The following TENM3 variants were observed in gnomAD, a reference collection of about 807,000 sequenced individuals.
TENM3 encodes the protein teneurin-3.
Under a neutral mutation model 255.1 loss-of-function variants are expected in TENM3, and 63 were observed. The observed-to-expected ratio is 0.25, with a 90% CI of 0.20 to 0.30. The LOEUF is 0.30. Among genes scored for constraint, TENM3 ranks in the 10% least tolerant of loss-of-function variants. The probability of loss-of-function intolerance (pLI) is 1.00; values close to 1 mark genes in which losing one functional copy is unlikely to be tolerated. For synonymous variants in TENM3, 1,306 were observed against 1,322.3 expected (o/e 0.99, Z 0.27); for missense variants, 2,929 against 3,461.1 (o/e 0.85, Z 3.86).
the TENM3 span, among the ~76,000 whole-genome samples, chr4:182,104,955 T>G: frequency 0.21 from 32,580 of 152,126 alleles, 3,587 homozygotes; most frequent in African/African-American, 0.25. Flanking sequence ...CTTCTGCCTG[T>G]AATCCCAGCA....
In TENM3 at chr4:182,677,360, G is replaced by A. The variant is rs1444859007; in HGVS notation, c.1327-2306G>A. Among the ~76,000 whole-genome samples, 3 of 152,102 alleles carry A rather than the reference G, an allele frequency of 2.0e-5. No homozygotes were observed. In the East Asian group the frequency reaches 5.8e-4, roughly 29 times the overall value. On this transcript the variant is annotated intron_variant, in intron 7 of 27. Transcript: ENST00000511685. ...TGATAAAGGTGATGGTTGTGCTTTT[G>A]CCTTGAAAGACCAGCTAAAACTCAA...
the TENM3 span, among the ~76,000 whole-genome samples, chr4:182,109,721 C>T: frequency 2.0e-5 from 3 of 152,234 alleles, no homozygotes; most frequent in East Asian, 1.9e-4. Flanking sequence ...TCCTCCGGAC[C>T]TTGTAACAGT....
chr4:181,964,746 C>T, the TENM3 span, among the ~76,000 whole-genome samples: 4 of 152,078 alleles, frequency 2.6e-5, no homozygotes, highest in African/African-American at 7.2e-5. Context: ...TTATAAAACA[C>T]GTATTTGCCA....
chr4:181,636,885 T>C, the TENM3 span, among the ~76,000 whole-genome samples: 1 of 152,180 alleles, frequency 6.6e-6, no homozygotes, highest in East Asian at 1.9e-4. Context: ...AGTGCTATCA[T>C]GCCCTGCATC....
At chr4:181,456,195 G>GTATA in the TENM3 span, among the ~76,000 whole-genome samples, 31 of 149,050 alleles carry the variant, frequency 2.1e-4, no homozygotes, top group South Asian at 4.2e-4. Flanking sequence ...ATGTATATGT[G>GTATA]TATATATATA....
the TENM3 span, among the ~76,000 whole-genome samples, chr4:181,667,146 T>C: frequency 6.6e-6 from 1 of 152,188 alleles, no homozygotes; most frequent in Non-Finnish European, 1.5e-5. Context: ...CATATTCTTC[T>C]CCATAAGTCC....
the TENM3 span, among the ~76,000 whole-genome samples, chr4:182,122,479 A>G: frequency 6.6e-6 from 1 of 152,198 alleles, no homozygotes; most frequent in East Asian, 1.9e-4. Flanking sequence ...GCAGGTGTGA[A>G]TATCTGCGCA....
the TENM3 span, among the ~76,000 whole-genome samples, chr4:181,503,372 GTTAAA>G: frequency 1.3e-5 from 2 of 152,044 alleles, no homozygotes; most frequent in African/African-American, 2.4e-5. Flanking sequence ...TCTCTAAAAA[GTTAAA>G]TTAAATTAAA....
chr4:181,521,460 T>C, the TENM3 span, among the ~76,000 whole-genome samples: 5 of 152,248 alleles, frequency 3.3e-5, no homozygotes, highest in African/African-American at 1.2e-4. Context: ...TGTGAAGCTA[T>C]TTTGATGAGA....
At chr4:181,482,358 T>C in the TENM3 span, among the ~76,000 whole-genome samples, 1 of 152,132 alleles carries the variant, frequency 6.6e-6, no homozygotes, top group Non-Finnish European at 1.5e-5. Context: ...CCACAACCTG[T>C]AAATATTTTG....
chr4:182,372,648 T>C (rs1365469803), intron 3 of TENM3, among the ~76,000 whole-genome samples: 1 of 151,864 alleles, frequency 6.6e-6, no homozygotes, highest in African/African-American at 2.4e-5. Context: ...TGTCCCATGC[T>C]GAACAAAAAA....
chr4:181,999,272 T>C, the TENM3 span, among the ~76,000 whole-genome samples: 1 of 152,140 alleles, frequency 6.6e-6, no homozygotes, highest in African/African-American at 2.4e-5. Flanking sequence ...AAGTCAGGAC[T>C]TAAAGACCAG....
chr4:181,963,419 G>A, the TENM3 span, among the ~76,000 whole-genome samples: 2 of 151,934 alleles, frequency 1.3e-5, no homozygotes, highest in East Asian at 1.9e-4. Context: ...CAATATTTTC[G>A]GTTAAATTTC....
the TENM3 span, among the ~76,000 whole-genome samples, chr4:181,769,752 TC>T: frequency 2.6e-5 from 4 of 152,174 alleles, no homozygotes; most frequent in Non-Finnish European, 5.9e-5. Flanking sequence ...ATAAAATACA[TC>T]TGGAACGTAT....
chr4:182,235,644 G>A (rs1234822153), intron 1 of TENM3, among the ~76,000 whole-genome samples: 1 of 151,968 alleles, frequency 6.6e-6, no homozygotes, highest in East Asian at 1.9e-4. Flanking sequence ...CTCACAAGCT[G>A]GAACTACTAC....
chr4:182,681,257 A>G (rs1175962566), intron 10 of TENM3, among the ~76,000 whole-genome samples: 1 of 152,190 alleles, frequency 6.6e-6, no homozygotes, highest in Non-Finnish European at 1.5e-5. Flanking sequence ...CTTCAATCAA[A>G]TTGATTTTAT....
chr4:181,603,279 T>G, the TENM3 span, among the ~76,000 whole-genome samples: 3 of 152,140 alleles, frequency 2.0e-5, no homozygotes, highest in South Asian at 4.1e-4. Flanking sequence ...AGCAGAAAAC[T>G]TCAGTTGGAG....
chr4:181,454,545 C>T, the TENM3 span, among the ~76,000 whole-genome samples: 2 of 149,608 alleles, frequency 1.3e-5, no homozygotes, highest in African/African-American at 2.5e-5. Flanking sequence ...CCCACAGCAA[C>T]GTCCAGTACT....
chr4:181,702,837 T>C, the TENM3 span, among the ~76,000 whole-genome samples: 9 of 152,296 alleles, frequency 5.9e-5, no homozygotes, highest in East Asian at 1.7e-3. Flanking sequence ...TTATCATATT[T>C]AATTTTTAAA....
Sources: allele counts gnomAD v4.1 joint callset (sites outside exome capture counted in the v4.1 genomes callset), GRCh38; gene constraint gnomAD v4.1.1; transcripts MANE v1.5; gene names NCBI Gene and HGNC (gene_info 2026-07-23, HGNC 2026-07-21).